The following DSCAM variants were observed in gnomAD, a reference collection of about 807,000 sequenced individuals.
DSCAM encodes DS cell adhesion molecule.
Under a neutral mutation model 217.7 loss-of-function variants are expected in DSCAM, and 47 were observed. That is an observed-to-expected ratio of 0.22 (90% CI 0.17 to 0.28). DSCAM has a LOEUF of 0.28. Ranked by LOEUF, DSCAM falls within the 10% of genes least tolerant of loss-of-function variation. The pLI, the probability that DSCAM is intolerant of heterozygous loss-of-function variation, is 1.00. For missense variants in DSCAM, 2,080 were observed against 2,618.3 expected (o/e 0.79, Z 4.49); for synonymous variants, 1,056 against 1,015.3 (o/e 1.04, Z -0.76).
At chr21:40,630,455 T>C (rs1272071035) in intron 3 of DSCAM, among the ~76,000 whole-genome samples, 2 of 152,270 alleles carry the variant, frequency 1.3e-5, no homozygotes, top group East Asian at 3.9e-4. Context: ...CACGTGACCA[T>C]GCCCAGCTAG....
At chr21:40,041,432 C>A (rs749276661) in intron 32 of DSCAM, among the ~76,000 whole-genome samples, 5 of 152,158 alleles carry the variant, frequency 3.3e-5, no homozygotes, top group Non-Finnish European at 7.3e-5. Context: ...CACTAAAAAG[C>A]TGTGAATTTC....
Position 40,699,376 on chromosome 21 carries a change from T to C in DSCAM, c.362-6420A>G, listed in dbSNP as rs115840899. Among the ~76,000 whole-genome samples, 981 of 152,262 alleles carry C rather than the reference T, an allele frequency of 6.4e-3. 10 individuals carry two copies. The highest frequency in any genetic ancestry group is 0.022 in the African/African-American group (913 of 41,542). On this transcript the variant is annotated intron_variant, in intron 2 of 32. Transcript: ENST00000400454. ...AAATCAATAAATAACCCTACAGTGGTCTTTAAGTATTCATGTGAAAGAAAT... is the reference window on the plus strand; with the variant it reads ...AAATCAATAAATAACCCTACAGTGGCCTTTAAGTATTCATGTGAAAGAAAT...
chr21:40,639,907 G>A (rs941603127), intron 3 of DSCAM, among the ~76,000 whole-genome samples: 75 of 152,060 alleles, frequency 4.9e-4, no homozygotes, highest in African/African-American at 1.8e-3. Context: ...TTAATGGGAG[G>A]AGAAAAAAAC....
intron 32 of DSCAM, among the ~76,000 whole-genome samples, chr21:40,041,581 G>A (rs528649932): frequency 5.9e-5 from 9 of 152,078 alleles, no homozygotes; most frequent in Admixed American, 3.3e-4. Flanking sequence ...GCCCATGTCC[G>A]CCTCGCTCCT....
At position 40,144,696 on chromosome 21, in the gene DSCAM, A is replaced by G. The variant is rs1344811275; in HGVS notation, c.3054T>C (p.Arg1018=). 2 of 1,614,218 alleles carry G rather than the reference A, an allele frequency of 1.2e-6. No individual in the cohort carries two copies. The highest frequency in any genetic ancestry group is 1.7e-6 in the Non-Finnish European group (2 of 1,180,042). Reference sequence around the variant, plus strand: ...ACTCTCGGTAACCTATTTGGTAGCCACGGATAATCCCATTTTGCAAATGTT... The same window carrying G: ...ACTCTCGGTAACCTATTTGGTAGCCGCGGATAATCCCATTTTGCAAATGTT... ...PKKHLQNGII[R]GYQIGYREYS... Residue 1018 remains arginine, a synonymous_variant, in exon 17 of 33, where the codon CGT becomes CGC. Transcript: ENST00000400454. This position sits in a 1 kb window ranked among gnomAD's most constrained non-coding sequence, Gnocchi z 4.8.
intron 3 of DSCAM, among the ~76,000 whole-genome samples, chr21:40,457,842 T>C (rs4816684): frequency 0.19 from 29,125 of 152,036 alleles, 3,299 homozygotes; most frequent in African/African-American, 0.3. Flanking sequence ...GAAAGGCAAA[T>C]CAGGCAAATT....
chr21:40,668,433 C>A (rs1389376149), intron 3 of DSCAM, among the ~76,000 whole-genome samples: 1 of 152,126 alleles, frequency 6.6e-6, no homozygotes, highest in East Asian at 1.9e-4. Context: ...AAGCCCAGAC[C>A]AATTAAAGCA....
chr21:40,366,515 G>C (rs1313398210), intron 4 of DSCAM, among the ~76,000 whole-genome samples: 1 of 151,754 alleles, frequency 6.6e-6, no homozygotes, highest in Non-Finnish European at 1.5e-5. Context: ...GATTTATACT[G>C]CTCTTTCAAA....
chr21:40,145,191 G>C (rs530459384), intron 16 of DSCAM, among the ~76,000 whole-genome samples: 4 of 152,130 alleles, frequency 2.6e-5, no homozygotes, highest in Non-Finnish European at 5.9e-5. Flanking sequence ...AAGAACTCTC[G>C]GGCTCGCTGC....
In DSCAM at chr21:40,399,691, G is replaced by GT. The variant is rs1412427666; in HGVS notation, c.509-30447dup. ...GTGCTCAGCAAAAAATGCTGCCACG[G>GT]TTTCTGTTAGAAGCTGCTTATTCAT... On this transcript the variant is annotated intron_variant, in intron 3 of 32. Coordinates refer to ENST00000400454, the MANE Select transcript of DSCAM (RefSeq NM_001389.5). Among the ~76,000 whole-genome samples, 4 of 152,292 alleles carry GT rather than the reference G, an allele frequency of 2.6e-5. No homozygotes were observed. The East Asian group carries it at 7.7e-4, about 29-fold the overall frequency.
intron 3 of DSCAM, among the ~76,000 whole-genome samples, chr21:40,471,378 G>A (rs1298314001): frequency 3.3e-5 from 5 of 152,180 alleles, no homozygotes; most frequent in African/African-American, 1.2e-4. Context: ...TATGCCTCCA[G>A]CCACCACAGC....
chr21:40,591,176 C>A (rs1340626111), intron 3 of DSCAM, among the ~76,000 whole-genome samples: 1 of 152,218 alleles, frequency 6.6e-6, no homozygotes, highest in African/African-American at 2.4e-5. Flanking sequence ...AGGTGCCTTA[C>A]TTCCCCTTTG....
chr21:40,465,970 C>G (rs575882886), intron 3 of DSCAM, among the ~76,000 whole-genome samples: 2 of 152,034 alleles, frequency 1.3e-5, no homozygotes, highest in African/African-American at 4.8e-5. Context: ...CATATCCTTG[C>G]TGTTTTGGGT....
chr21:40,741,353 TAATAA>T (rs2091121752), intron 1 of DSCAM, among the ~76,000 whole-genome samples: 1 of 152,196 alleles, frequency 6.6e-6, no homozygotes, highest in Non-Finnish European at 1.5e-5. Context: ...ATTCACATGT[TAATAA>T]AACATGTGAA....
At chr21:40,379,980 G>A (rs1177996511) in intron 3 of DSCAM, among the ~76,000 whole-genome samples, 2 of 152,130 alleles carry the variant, frequency 1.3e-5, no homozygotes, top group Non-Finnish European at 1.5e-5. Context: ...ACCATCACAT[G>A]GGGCATGAGG....
intron 11 of DSCAM, among the ~76,000 whole-genome samples, chr21:40,224,569 T>C (rs1163966328): frequency 5.9e-5 from 9 of 152,200 alleles, no homozygotes; most frequent in Admixed American, 5.9e-4. Flanking sequence ...CCTTCTACTA[T>C]ATACACTAAA....
At chr21:40,491,039 G>T (rs1197389886) in intron 3 of DSCAM, among the ~76,000 whole-genome samples, 1 of 152,136 alleles carries the variant, frequency 6.6e-6, no homozygotes, top group Non-Finnish European at 1.5e-5. Flanking sequence ...TAAAATCTGT[G>T]AGTCTCTGCC....
At position 40,672,660 on chromosome 21, in the gene DSCAM, A is replaced by G. The variant is rs561784651; in HGVS notation, c.508+20150T>C. Among the ~76,000 whole-genome samples, 172 of 152,318 alleles carry G rather than the reference A, an allele frequency of 1.1e-3. 1 individual carries two copies. Among genetic ancestry groups the G allele is most frequent in the African/African-American group, 4.1e-3 (169 of 41,586 alleles). ...CATATACACCAAGAACAGAGTGCCT[A>G]AAGGGCTTTGCCTATTATTAATGCT... On this transcript the variant is annotated intron_variant, in intron 3 of 32. Coordinates refer to ENST00000400454, the MANE Select transcript of DSCAM (RefSeq NM_001389.5).
chr21:40,012,990 T>G lies in DSCAM; in HGVS notation c.*44A>C. 7.8e-7 allele frequency: 1 copy of G among 1,282,116 alleles called. No homozygotes were observed. Among genetic ancestry groups the G allele is most frequent in the Non-Finnish European group, 1.0e-6 (1 of 987,122 alleles). The allele number at this position is 1,282,116 out of a possible 1,614,324, so 79.4% of individuals were successfully genotyped here. A position where few individuals can be genotyped will look rare whatever the true frequency, so the allele number is the denominator to read the frequency against. ...TAAAAAAAAGGTAGCTTTGATTGAA[T>G]TGTTTGAATTGTATTTACAACCGCT... On this transcript the variant is annotated 3_prime_UTR_variant, in exon 33 of 33. Transcript: ENST00000400454.
Sources: gnomAD v4.1 joint callset for allele counts (sites outside exome capture counted in the v4.1 genomes callset) on GRCh38, gnomAD v4.1.1 for gene constraint, Gnocchi (gnomAD v3.1) non-coding constraint, MANE v1.5 for transcripts, NCBI Gene and HGNC (gene_info 2026-07-23, HGNC 2026-07-21) for gene names.